The following CFAP20DC variants were observed in gnomAD, a reference collection of about 807,000 sequenced individuals.
CFAP20DC encodes CFAP20 domain containing.
In CFAP20DC, 84 loss-of-function variants were observed where a neutral mutation model predicts 101.7. The ratio of observed to expected loss-of-function variants is 0.83; its 90% CI spans 0.69 to 0.99. CFAP20DC has a LOEUF of 0.99. CFAP20DC is among the 50% of genes least tolerant of loss of function. The pLI, the probability that CFAP20DC is intolerant of heterozygous loss-of-function variation, is 0.00. For missense variants in CFAP20DC, 1,007 were observed against 970.3 expected, an observed-to-expected ratio of 1.04 and a Z score of -0.50; for synonymous variants, 359 against 351.2, an observed-to-expected ratio of 1.02 and a Z score of -0.25.
intron 5 of CFAP20DC, among the ~76,000 whole-genome samples, chr3:58,926,635 C>T (rs1010568522): frequency 6.6e-6 from 1 of 152,194 alleles, no homozygotes; most frequent in Non-Finnish European, 1.5e-5. Context: ...ACTTCTACAT[C>T]ATTGGCTCTA....
chr3:58,891,728 G>A (rs2082278657), intron 6 of CFAP20DC, among the ~76,000 whole-genome samples: 3 of 152,010 alleles, frequency 2.0e-5, no homozygotes, highest in Admixed American at 1.3e-4. Context: ...AGATGGATAG[G>A]TTGCAAAAAT....
intron 4 of CFAP20DC, among the ~76,000 whole-genome samples, chr3:58,981,891 A>C (rs1012350576): frequency 5.3e-5 from 8 of 152,196 alleles, no homozygotes; most frequent in African/African-American, 1.9e-4. Context: ...TCTGCACAGC[A>C]AAAGAAACTA....
rs370648936 is a variant in CFAP20DC at position 58,756,720 on chromosome 3, G to A, written c.2238-2857C>T. 2.3e-4 allele frequency among the ~76,000 whole-genome samples: 35 copies of A among 152,126 alleles called. No individual in the cohort carries two copies. In the East Asian group the frequency reaches 6.6e-3, roughly 29 times the overall value. On this transcript the variant is annotated intron_variant, in intron 15 of 16. Coordinates refer to ENST00000482387, the MANE Select transcript of CFAP20DC (RefSeq NM_001394063.1). ...CCTCTAGAGGTAATAAATTTCATTA[G>A]TTCTGGTGTTGCCTTTCTGTGTTTC...
At chr3:58,922,917 A>C (rs1012330172) in intron 5 of CFAP20DC, among the ~76,000 whole-genome samples, 9 of 152,162 alleles carry the variant, frequency 5.9e-5, no homozygotes, top group Non-Finnish European at 2.9e-5. Context: ...CATAGACAAG[A>C]AGCTCATAAA....
At chr3:58,853,811 A>G (rs969909273) in intron 12 of CFAP20DC, among the ~76,000 whole-genome samples, 4 of 152,158 alleles carry the variant, frequency 2.6e-5, no homozygotes, top group Non-Finnish European at 5.9e-5. Context: ...CTCTCAATAA[A>G]TTAGGTATTG....
chr3:58,998,010 C>T (rs184705567), intron 4 of CFAP20DC, among the ~76,000 whole-genome samples: 1 of 152,290 alleles, frequency 6.6e-6, no homozygotes, highest in Admixed American at 6.5e-5. Flanking sequence ...AGTCAGTCTT[C>T]CACAGAGTTG....
intron 4 of CFAP20DC, chr3:59,018,441 G>C (rs2093733757): frequency 6.6e-6 from 1 of 152,044 alleles, no homozygotes; most frequent in Non-Finnish European, 1.5e-5. Context: ...ACCTGGTAGA[G>C]ACCACCTTAA....
intron 4 of CFAP20DC, among the ~76,000 whole-genome samples, chr3:58,974,650 C>G (rs750700956): frequency 5.9e-5 from 9 of 152,118 alleles, no homozygotes; most frequent in Middle Eastern, 3.2e-3. Flanking sequence ...AAATGCCCGT[C>G]CCATCCCATG....
chr3:58,963,231 TGTGTGTGTG>T (rs2091295789), intron 4 of CFAP20DC, among the ~76,000 whole-genome samples: 1 of 149,312 alleles, frequency 6.7e-6, no homozygotes, highest in Non-Finnish European at 1.5e-5. Context: ...TGTGTGTGTG[TGTGTGTGTG>T]TTTTAATAAA....
At chr3:58,970,138 C>T (rs2091864604) in intron 4 of CFAP20DC, among the ~76,000 whole-genome samples, 1 of 151,782 alleles carries the variant, frequency 6.6e-6, no homozygotes, top group Non-Finnish European at 1.5e-5. Context: ...ATTTTTATTC[C>T]ATTACTATGA....
intron 4 of CFAP20DC, among the ~76,000 whole-genome samples, chr3:59,008,578 A>C (rs1354432096): frequency 6.6e-6 from 1 of 152,194 alleles, no homozygotes; most frequent in Admixed American, 6.5e-5. Context: ...ATGAAACTGG[A>C]AACCATCATT....
chr3:58,812,402 G>C (rs1442489756), intron 14 of CFAP20DC, among the ~76,000 whole-genome samples: 3 of 152,122 alleles, frequency 2.0e-5, no homozygotes, highest in Non-Finnish European at 4.4e-5. Flanking sequence ...CATGTCCTTT[G>C]TAGGGACATG....
At position 58,898,000 on chromosome 3, in the gene CFAP20DC, T is replaced by C. The variant is rs977706181; in HGVS notation, c.551-13291A>G. 1.3e-5 allele frequency among the ~76,000 whole-genome samples: 2 copies of C among 152,170 alleles called. No homozygotes were observed. The highest frequency in any genetic ancestry group is 2.9e-5 in the Non-Finnish European group (2 of 68,042). On this transcript the variant is annotated intron_variant, in intron 6 of 16. Transcript: ENST00000482387. This position sits in a 1 kb window ranked among gnomAD's most constrained non-coding sequence, Gnocchi z 4.4. ...TCCAACTTGGTTCCATCTCCCGGTC[T>C]CTTTCAGGTACCTCAGTCAGTTGTA... is the stretch of plus-strand genomic sequence containing the variant.
At chr3:58,726,280 C>G (rs1010783484) in intron 3 of CFAP20DC, 3 of 152,124 alleles carry the variant, frequency 2.0e-5, no homozygotes, top group Admixed American at 2.0e-4. Flanking sequence ...AATGGTGTAT[C>G]AGTGATAAGT....
chr3:58,742,458 C>T lies in CFAP20DC; in HGVS notation c.*2G>A, dbSNP rs376778350. ...GCCTGCTCTCTGCCCCGGAAGGAGG[C>T]ATTATACCAACTCATAGTATTTCCC... On this transcript the variant is annotated 3_prime_UTR_variant, in exon 17 of 17. Transcript: ENST00000482387. The T allele has an allele frequency of 1.0e-5, 16 of 1,596,984 alleles. No individual in the cohort carries two copies. Among genetic ancestry groups the T allele is most frequent in the Admixed American group, 1.7e-5 (1 of 57,846 alleles).
rs1380310395 is a variant in CFAP20DC, at chr3:58,894,551, C to T, written c.551-9842G>A. On this transcript the variant is annotated intron_variant, in intron 6 of 16. Transcript: ENST00000482387. The surrounding 1 kb of genome is among the most constrained non-coding windows in gnomAD (Gnocchi z 4.1). ...TTCCTACGGCCTTTGGCAGCTCCACCCCTGTGGCTCTGCAGGGTATAGTCC... is the reference window on the plus strand; with the variant it reads ...TTCCTACGGCCTTTGGCAGCTCCACTCCTGTGGCTCTGCAGGGTATAGTCC... Among the ~76,000 whole-genome samples, 1 of 152,192 alleles carries T rather than the reference C, an allele frequency of 6.6e-6. No individual in the cohort carries two copies.
At chr3:58,902,317 G>C (rs2083218537) in intron 6 of CFAP20DC, among the ~76,000 whole-genome samples, 1 of 152,196 alleles carries the variant, frequency 6.6e-6, no homozygotes, top group African/African-American at 2.4e-5. Flanking sequence ...CCTAGGAATG[G>C]AAATGTAGGG....
At chr3:58,804,269 G>C (rs1342771532) in intron 15 of CFAP20DC, among the ~76,000 whole-genome samples, 1 of 152,060 alleles carries the variant, frequency 6.6e-6, no homozygotes, top group Non-Finnish European at 1.5e-5. Context: ...ATTAGGATGA[G>C]AATTAGGTCC....
At chr3:58,951,962 G>C (rs538517560) in intron 4 of CFAP20DC, among the ~76,000 whole-genome samples, 28 of 152,302 alleles carry the variant, frequency 1.8e-4, no homozygotes, top group Admixed American at 1.8e-3. Flanking sequence ...TTAGAGTTTA[G>C]ATAAGTTCCT....
Sources: gnomAD v4.1 joint callset for allele counts (sites outside exome capture counted in the v4.1 genomes callset) on GRCh38, gnomAD v4.1.1 for gene constraint, Gnocchi (gnomAD v3.1) non-coding constraint, MANE v1.5 for transcripts, NCBI Gene and HGNC (gene_info 2026-07-23, HGNC 2026-07-21) for gene names.